CTTNBP2: variants seen among roughly 807,000 people sequenced by gnomAD.
The protein encoded by CTTNBP2 is cortactin-binding protein 2.
In CTTNBP2, 108 loss-of-function variants were observed where a neutral mutation model predicts 156.9. That is an observed-to-expected ratio of 0.69 (90% CI 0.59 to 0.81). The LOEUF (loss-of-function observed/expected upper bound fraction) is 0.81. Among genes scored for constraint, CTTNBP2 ranks in the 30% least tolerant of loss-of-function variants. CTTNBP2 has a pLI of 0.00. For missense variants in CTTNBP2, 1,924 were observed against 2,035.4 expected (o/e 0.95, Z 1.05); for synonymous variants, 767 against 751.8 (o/e 1.02, Z -0.33).
At chr7:117,725,381 C>T (rs1795035556) in intron 17 of CTTNBP2, 124 bp from the exon 18 acceptor site, 1 of 833,110 alleles carries the variant, frequency 1.2e-6, no homozygotes, top group East Asian at 2.5e-5. Context: ...AGATATGCTA[C>T]CTTTCCCAGG....
At chr7:117,866,104 T>A (rs1022191868) in intron 1 of CTTNBP2, among the ~76,000 whole-genome samples, 2 of 151,956 alleles carry the variant, frequency 1.3e-5, no homozygotes, top group Non-Finnish European at 2.9e-5. Flanking sequence ...TTCAGGATTT[T>A]TTCTCATACA....
intron 8 of CTTNBP2, among the ~76,000 whole-genome samples, chr7:117,771,247 G>A (rs1339296895): frequency 6.6e-6 from 1 of 152,170 alleles, no homozygotes; most frequent in East Asian, 1.9e-4. Context: ...CAAGTCCAGA[G>A]AGCTAGAGAT....
chr7:117,819,294 T>C (rs1359731875), intron 2 of CTTNBP2, among the ~76,000 whole-genome samples: 1 of 151,990 alleles, frequency 6.6e-6, no homozygotes, highest in African/African-American at 2.4e-5. Context: ...ATTCTCGCTC[T>C]AAGAGGGGTT....
chr7:117,715,986 G>T (rs1190930304), intron 22 of CTTNBP2: 1 of 152,082 alleles, frequency 6.6e-6, no homozygotes, highest in Admixed American at 6.6e-5. Flanking sequence ...GTACCACTTT[G>T]CCCTCTGCTG....
At chr7:117,755,464 A>G in intron 12 of CTTNBP2, 4 of 412,884 alleles carry the variant, frequency 9.7e-6, no homozygotes, top group South Asian at 7.2e-5. Context: ...TACCAGTAGT[A>G]TTAGTTTCAG....
intron 8 of CTTNBP2, among the ~76,000 whole-genome samples, chr7:117,777,047 T>C (rs1163594510): frequency 6.6e-6 from 1 of 152,250 alleles, no homozygotes; most frequent in Non-Finnish European, 1.5e-5. Flanking sequence ...GTATTCTATC[T>C]AAGCATCTAG....
At chr7:117,821,546 G>T (rs554092369) in intron 2 of CTTNBP2, among the ~76,000 whole-genome samples, 76 of 150,150 alleles carry the variant, frequency 5.1e-4, no homozygotes, top group Admixed American at 1.1e-3. Context: ...CTTTGATTAT[G>T]GTATATTGCT....
Position 117,760,486 on chromosome 7 carries a change from T to C in CTTNBP2, c.3121A>G (p.Thr1041Ala), listed in dbSNP as rs1797144772. The change falls in exon 10 of 23, where the codon ACT becomes GCT. Residue 1041 changes from threonine to alanine, a missense_variant. Thr to Ala is a moderately conservative substitution (Grantham distance 58). Transcript: ENST00000160373. ...SLEDVTCNNT[T>A]DSNIGLSARS... ...GCACTGAGGCCGATGTTGGAATCAG[T>C]GGTGTTATTGCAAGTCACGTCTTCC... 1.9e-6 allele frequency: 3 copies of C among 1,614,030 alleles called. No individual in the cohort carries two copies. The highest frequency in any genetic ancestry group is 2.2e-5 in the East Asian group (1 of 44,894).
At chr7:117,854,945 T>C (rs1321510372) in intron 2 of CTTNBP2, among the ~76,000 whole-genome samples, 1 of 152,030 alleles carries the variant, frequency 6.6e-6, no homozygotes, top group Non-Finnish European at 1.5e-5. Context: ...CCACTGCACC[T>C]GGCTAATTTT....
In CTTNBP2 at chr7:117,792,683, G is replaced by C; in HGVS notation, c.513C>G (p.Val171=). 1 of 1,613,880 alleles carries C rather than the reference G, an allele frequency of 6.2e-7. No individual in the cohort carries two copies. Among genetic ancestry groups the C allele is most frequent in the Non-Finnish European group, 8.5e-7 (1 of 1,179,964 alleles). The change falls in exon 4 of 23, where the codon GTC becomes GTG. Residue 171 remains valine (V), a synonymous_variant. Coordinates refer to ENST00000160373, the MANE Select transcript of CTTNBP2 (RefSeq NM_033427.3). This position sits in a 1 kb window ranked among gnomAD's most constrained non-coding sequence, Gnocchi z 4.2. ...EEERGKNKQV[V]LMLVKECKQL... ...GCTTGCACTCTTTGACCAGCATCAG[G>C]ACCACCTGCTTGTTCTTGCCACGCT... is the stretch of plus-strand genomic sequence containing the variant.
At chr7:117,871,846 A>ACT (rs2117309589) in intron 1 of CTTNBP2, 1 of 388,900 alleles carries the variant, frequency 2.6e-6, no homozygotes, top group Non-Finnish European at 3.4e-6. Flanking sequence ...CTTCCCCTTC[A>ACT]CACACACACA....
At chr7:117,833,384 T>C (rs1242394549) in intron 2 of CTTNBP2, among the ~76,000 whole-genome samples, 1 of 152,232 alleles carries the variant, frequency 6.6e-6, no homozygotes, top group African/African-American at 2.4e-5. Flanking sequence ...TCTTCCTTCA[T>C]GACAGTCATT....
intron 21 of CTTNBP2, among the ~76,000 whole-genome samples, chr7:117,718,447 C>A (rs1266226934): frequency 6.6e-6 from 1 of 152,106 alleles, no homozygotes; most frequent in Non-Finnish European, 1.5e-5. Context: ...CTTACTTTTC[C>A]AGTGGATATA....
intron 2 of CTTNBP2, among the ~76,000 whole-genome samples, chr7:117,819,440 G>T (rs1168131584): frequency 6.7e-6 from 1 of 149,722 alleles, no homozygotes; most frequent in South Asian, 2.1e-4. Context: ...CTGCAGAGTG[G>T]AATAGCAATA....
chr7:117,834,700 A>G (rs575937836), intron 2 of CTTNBP2, among the ~76,000 whole-genome samples: 67 of 152,332 alleles, frequency 4.4e-4, no homozygotes, highest in Non-Finnish European at 7.5e-4. Flanking sequence ...AAATGAACAC[A>G]CTTTACTTTT....
At chr7:117,774,438 G>A (rs1163950492) in intron 8 of CTTNBP2, among the ~76,000 whole-genome samples, 3 of 152,208 alleles carry the variant, frequency 2.0e-5, no homozygotes, top group East Asian at 1.9e-4. Flanking sequence ...GAACCAGACC[G>A]CACAGGAGGA....
chr7:117,804,719 A>G (rs1369331982), intron 3 of CTTNBP2, among the ~76,000 whole-genome samples: 1 of 152,178 alleles, frequency 6.6e-6, no homozygotes, highest in Admixed American at 6.5e-5. Context: ...GAGCTGAACA[A>G]TGTCAACACA....
chr7:117,760,764 AG>A (rs1797167425), intron 9 of CTTNBP2, 54 bp from the exon 10 acceptor site: 1 of 1,238,122 alleles, frequency 8.1e-7, no homozygotes, highest in African/African-American at 1.5e-5. Context: ...AGAAAAAAAA[AG>A]TAAAACTATT....
intron 1 of CTTNBP2, among the ~76,000 whole-genome samples, chr7:117,866,252 G>A (rs1336725716): frequency 1.3e-5 from 2 of 152,048 alleles, no homozygotes; most frequent in Non-Finnish European, 2.9e-5. Context: ...TTTATGTGGG[G>A]AATTCAATAG....
Sources: allele counts gnomAD v4.1 joint callset (sites outside exome capture counted in the v4.1 genomes callset), GRCh38; gene constraint gnomAD v4.1.1; non-coding constraint Gnocchi (gnomAD v3.1); transcripts MANE v1.5; gene names NCBI Gene and HGNC (gene_info 2026-07-23, HGNC 2026-07-21).